GRK7: variants seen among roughly 807,000 people sequenced by gnomAD.
The protein encoded by GRK7 is rhodopsin kinase GRK7.
A neutral mutation model predicts 34.1 loss-of-function variants in GRK7; 24 were observed. The observed-to-expected ratio is 0.70, with a 90% confidence interval of 0.51 to 0.99. The LOEUF (loss-of-function observed/expected upper bound fraction) is 0.99. Ranked by LOEUF, GRK7 falls within the 50% of genes least tolerant of loss-of-function variation. The pLI is 0.00. For synonymous variants in GRK7, 256 were observed against 279.4 expected (o/e 0.92, Z 0.84); for missense variants, 644 against 707.3 (o/e 0.91, Z 1.02).
At chr3:141,810,289 T>C (rs1003885185) in intron 5 of GRK7, among the ~76,000 whole-genome samples, 2 of 150,364 alleles carry the variant, frequency 1.3e-5, no homozygotes, top group African/African-American at 4.9e-5. Context: ...CTCTTTTCTC[T>C]CTCTCTCTCT....
intron 4 of GRK7, among the ~76,000 whole-genome samples, chr3:141,802,902 C>T (rs538392750): frequency 2.0e-5 from 3 of 152,226 alleles, no homozygotes; most frequent in East Asian, 1.9e-4. Flanking sequence ...AACCAGCAGC[C>T]AGCTGGGCAT....
At chr3:141,771,089 T>C (rs548632813) in intron 1 of GRK7, among the ~76,000 whole-genome samples, 2 of 151,844 alleles carry the variant, frequency 1.3e-5, no homozygotes, top group Admixed American at 6.6e-5. Context: ...AAGGAAATCA[T>C]TATATTAAAA....
rs56070798 is a variant in GRK7, at chr3:141,778,623, T to G, written c.339T>G (p.Cys113Trp). The change falls in exon 3 of 6, where the codon TGT becomes TGG. Residue 113 changes from cysteine (C) to tryptophan (W), a missense_variant. Physicochemically the swap from Cys to Trp is radical, Grantham distance 215. Transcript: ENST00000682958. The surrounding 1 kb of genome is among the most constrained non-coding windows in gnomAD (Gnocchi z 4.1). ...DSALQGLVATCASAPAPGNPQ... is the reference protein window; with the variant it reads ...DSALQGLVATWASAPAPGNPQ... ...CGCTGCAGGGGCTGGTGGCCACTTGTGCGAGTGCCCCTGCCCCGGGGAACC... is the reference window on the plus strand; with the variant it reads ...CGCTGCAGGGGCTGGTGGCCACTTGGGCGAGTGCCCCTGCCCCGGGGAACC... The G allele has an allele frequency of 2.2e-5, 36 of 1,612,292 alleles. No homozygotes were observed. In the Admixed American group the frequency reaches 2.3e-4, roughly 10 times the overall value.
At chr3:141,784,342 A>C (rs979126121) in intron 4 of GRK7, among the ~76,000 whole-genome samples, 11 of 152,120 alleles carry the variant, frequency 7.2e-5, no homozygotes, top group Admixed American at 7.2e-4. Context: ...GTCCCGTGAG[A>C]CCACACTTCA....
the GRK7 span, among the ~76,000 whole-genome samples, chr3:141,753,956 A>T: frequency 6.6e-6 from 1 of 152,264 alleles, no homozygotes; most frequent in Admixed American, 6.5e-5. Flanking sequence ...CTCATGCAGA[A>T]GTATAATGAT....
the GRK7 span, among the ~76,000 whole-genome samples, chr3:141,756,247 G>A: frequency 6.6e-6 from 1 of 151,048 alleles, no homozygotes; most frequent in Non-Finnish European, 1.5e-5. Flanking sequence ...AGGAGGTGGA[G>A]GTTGCAGTGA....
rs1711163747 is a variant in GRK7 at position 141,817,135 on chromosome 3, G to GT, written c.*85_*86insT. On this transcript the variant is annotated 3_prime_UTR_variant, in exon 6 of 6. Transcript: ENST00000682958. ...CACACGTGGAAATCTGTGGAATGAG[G>GT]GCTAATCAGTTAGGAGGGACATCAC... The GT allele has an allele frequency of 2.8e-6, 3 of 1,072,784 alleles. No individual in the cohort carries two copies. In the Middle Eastern group the frequency reaches 6.3e-4, roughly 226 times the overall value. 66.5% of individuals were successfully genotyped at this position (1,072,784 alleles called of 1,614,324 possible).
chr3:141,755,251 C>T, the GRK7 span, among the ~76,000 whole-genome samples: 1 of 152,136 alleles, frequency 6.6e-6, no homozygotes, highest in Admixed American at 6.5e-5. Flanking sequence ...ACCTATAATC[C>T]TAGCTACTCA....
At chr3:141,755,350 G>A in the GRK7 span, among the ~76,000 whole-genome samples, 1 of 152,096 alleles carries the variant, frequency 6.6e-6, no homozygotes, top group Non-Finnish European at 1.5e-5. Context: ...CTCTAAAAAT[G>A]AATGAATGAA....
upstream of GRK7, among the ~76,000 whole-genome samples, chr3:141,762,801 C>A (rs528603247): frequency 1.4e-4 from 22 of 152,340 alleles, no homozygotes; most frequent in East Asian, 1.7e-3. Flanking sequence ...TAGGACCCTC[C>A]GAGCCAGGTG....
chr3:141,783,054 A>G (rs1169674382), intron 4 of GRK7, among the ~76,000 whole-genome samples: 4 of 152,234 alleles, frequency 2.6e-5, no homozygotes, highest in Admixed American at 2.6e-4. Context: ...ATGTGCTGCA[A>G]GATGGCTGCT....
intron 5 of GRK7, among the ~76,000 whole-genome samples, chr3:141,815,173 C>T (rs1559849403): frequency 2.0e-5 from 3 of 152,014 alleles, no homozygotes; most frequent in Admixed American, 6.6e-5. Flanking sequence ...AATCTGCCTG[C>T]CTTGGCCTCT....
At chr3:141,787,227 A>G (rs1387416015) in intron 4 of GRK7, among the ~76,000 whole-genome samples, 3 of 152,220 alleles carry the variant, frequency 2.0e-5, no homozygotes, top group Non-Finnish European at 4.4e-5. Context: ...GAACTGTTTT[A>G]AGTTACTAAG....
intron 4 of GRK7, among the ~76,000 whole-genome samples, chr3:141,800,280 T>C (rs1482304612): frequency 6.6e-6 from 1 of 150,906 alleles, no homozygotes; most frequent in Non-Finnish European, 1.5e-5. Context: ...ACCTGATCCC[T>C]CTTGTCAGTT....
Position 141,807,671 on chromosome 3 carries a change from T to C in GRK7, c.1077T>C (p.Pro359=). The C allele has an allele frequency of 6.2e-7, 1 of 1,614,078 alleles. No individual in the cohort carries two copies. The highest frequency in any genetic ancestry group is 8.5e-7 in the Non-Finnish European group (1 of 1,179,886). Residue 359 remains proline (P), a synonymous_variant, in exon 5 of 6, where the codon CCT becomes CCC. Coordinates refer to ENST00000682958, the MANE Select transcript of GRK7 (RefSeq NM_139209.3). ...CTGGAACCAATGGTTACATGGCTCCTGAGATCCTAATGGAAAAGGTAAGTT... is the reference window on the plus strand; with the variant it reads ...CTGGAACCAATGGTTACATGGCTCCCGAGATCCTAATGGAAAAGGTAAGTT... ...QRAGTNGYMA[P]EILMEKVSYS...
chr3:141,768,497 C>G (rs1307786338), intron 1 of GRK7, among the ~76,000 whole-genome samples: 4 of 152,134 alleles, frequency 2.6e-5, no homozygotes, highest in Non-Finnish European at 4.4e-5. Context: ...CCGGGCTGGT[C>G]TCGAACTCCT....
chr3:141,783,236 C>G lies in GRK7; in HGVS notation c.1050+2425C>G, dbSNP rs74531322. ...GGCTAAGACTGTGATCTGGCCACCCCCTAGCTGCAGAGGAAGCTGACAAAT... is the reference window on the plus strand; with the variant it reads ...GGCTAAGACTGTGATCTGGCCACCCGCTAGCTGCAGAGGAAGCTGACAAAT... On this transcript the variant is annotated intron_variant, in intron 4 of 5. Transcript: ENST00000682958. Among the ~76,000 whole-genome samples, 865 of 152,286 alleles carry G rather than the reference C, an allele frequency of 5.7e-3. 24 individuals are homozygous for G. Among genetic ancestry groups the G allele is most frequent in the East Asian group, 0.048 (248 of 5,178 alleles).
In GRK7 at chr3:141,807,637, T is replaced by C. The variant is rs1711048983; in HGVS notation, c.1051-8T>C. ...GTGTTGTCTTGTTTTTTGTTTGGGA[T>C]GTTACAGGCTGGAACCAATGGTTAC... On this transcript the variant is annotated splice_region_variant and splice_polypyrimidine_tract_variant and intron_variant, in intron 4 of 5. Transcript: ENST00000682958. 1 of 1,612,520 alleles carries C rather than the reference T, an allele frequency of 6.2e-7. No homozygotes were observed. The highest frequency in any genetic ancestry group is 8.5e-7 in the Non-Finnish European group (1 of 1,178,912).
chr3:141,816,900 C>A lies in GRK7; in HGVS notation c.1512C>A (p.Phe504Leu). ...GVEFDDKDKQFFKNFATGAVP... is the reference protein window; with the variant it reads ...GVEFDDKDKQLFKNFATGAVP... The stretch of plus-strand genomic sequence containing the variant: ...AATTTGATGACAAAGATAAGCAGTT[C>A]TTCAAAAACTTTGCGACAGGTGCTG... The change falls in exon 6 of 6, where the codon TTC (phenylalanine) becomes TTA (leucine). Residue 504 changes from phenylalanine to leucine, a missense_variant. Transcript: ENST00000682958. 1 of 1,614,120 alleles carries A rather than the reference C, an allele frequency of 6.2e-7. No individual in the cohort carries two copies. The highest frequency in any genetic ancestry group is 1.3e-5 in the African/African-American group (1 of 75,048).
Sources: gnomAD v4.1 joint callset for allele counts (sites outside exome capture counted in the v4.1 genomes callset) on GRCh38, gnomAD v4.1.1 for gene constraint, Gnocchi (gnomAD v3.1) non-coding constraint, MANE v1.5 for transcripts, NCBI Gene and HGNC (gene_info 2026-07-23, HGNC 2026-07-21) for gene names.